The following NRG1 variants were observed in gnomAD, a reference collection of about 807,000 sequenced individuals.
The protein encoded by NRG1 is neuregulin 1, also known as pro-neuregulin-1, membrane-bound isoform.
In NRG1, 18 loss-of-function variants were observed where a neutral mutation model predicts 63.8. That is an observed-to-expected ratio of 0.28 (90% confidence interval 0.19 to 0.42). The LOEUF (loss-of-function observed/expected upper bound fraction) is 0.42. Ranked by LOEUF, NRG1 falls within the 10% of genes least tolerant of loss-of-function variation. The probability of loss-of-function intolerance (pLI) is 1.00; values close to 1 mark genes in which losing one functional copy is unlikely to be tolerated. For synonymous variants in NRG1, 302 were observed against 301.3 expected (o/e 1.00, Z -0.02); for missense variants, 762 against 814.7 (o/e 0.94, Z 0.79).
intron 1 of NRG1, among the ~76,000 whole-genome samples, chr8:31,894,637 G>T (rs1259484268): frequency 6.9e-6 from 1 of 145,824 alleles, no homozygotes; most frequent in Non-Finnish European, 1.5e-5. Flanking sequence ...TGCGAGCTCC[G>T]CCTCCCGGGT....
At chr8:32,680,961 T>C (rs1808461950) in intron 5 of NRG1, among the ~76,000 whole-genome samples, 1 of 151,164 alleles carries the variant, frequency 6.6e-6, no homozygotes, top group East Asian at 1.9e-4. Flanking sequence ...TCTAAGATGT[T>C]CTGTAACAAG....
At chr8:31,639,726 G>T (rs1803544549) in intron 1 of NRG1, 6 of 1,362,466 alleles carry the variant, frequency 4.4e-6, no homozygotes, top group Admixed American at 3.5e-5. Flanking sequence ...GGCGGCAGCG[G>T]TTTTTTTGCC....
At chr8:32,436,860 A>G (rs1382875369) in intron 1 of NRG1, among the ~76,000 whole-genome samples, 1 of 151,378 alleles carries the variant, frequency 6.6e-6, no homozygotes, top group Admixed American at 6.6e-5. Context: ...GTCACAGTGC[A>G]TAACTGGGTT....
chr8:32,293,812 C>T (rs1466005315), intron 1 of NRG1, among the ~76,000 whole-genome samples: 1 of 150,286 alleles, frequency 6.7e-6, no homozygotes, highest in Non-Finnish European at 1.5e-5. Context: ...ATCTGCTTCC[C>T]GGGTTCAAGC....
intron 1 of NRG1, among the ~76,000 whole-genome samples, chr8:32,245,752 C>T (rs1228743601): frequency 6.6e-6 from 1 of 152,162 alleles, no homozygotes; most frequent in Non-Finnish European, 1.5e-5. Context: ...TAATTCACTA[C>T]ATAGGGTTTC....
chr8:32,681,974 G>A (rs1440986262), intron 5 of NRG1, among the ~76,000 whole-genome samples: 2 of 152,138 alleles, frequency 1.3e-5, no homozygotes, highest in African/African-American at 4.8e-5. Context: ...TACCTATTCA[G>A]TGAGGACCTG....
intron 1 of NRG1, among the ~76,000 whole-genome samples, chr8:32,218,650 G>T (rs1845496505): frequency 6.6e-6 from 1 of 152,230 alleles, no homozygotes; most frequent in Non-Finnish European, 1.5e-5. Flanking sequence ...CTGAAATGCA[G>T]CATCCTCATC....
At position 31,893,453 on chromosome 8, in the gene NRG1, G is replaced by A. The variant is rs117951337; in HGVS notation, c.37+254022G>A. Among the ~76,000 whole-genome samples the A allele has an allele frequency of 3.8e-3, 581 of 151,370 alleles. 1 individual carries two copies. Among genetic ancestry groups the A allele is most frequent in the Middle Eastern group, 0.021 (5 of 238 alleles). On this transcript the variant is annotated intron_variant, in intron 1 of 10. Transcript: ENST00000519301. The stretch of plus-strand genomic sequence containing the variant: ...TGTAAAGAGAAACATTAGTATATTT[G>A]CTATATAAATGGTAAACGTTTTATA...
chr8:32,064,454 C>A (rs190909307), intron 1 of NRG1, among the ~76,000 whole-genome samples: 6 of 152,202 alleles, frequency 3.9e-5, no homozygotes, highest in African/African-American at 1.4e-4. Context: ...GATGACTTAG[C>A]AGATGACTCT....
intron 1 of NRG1, among the ~76,000 whole-genome samples, chr8:32,283,181 A>C (rs1853088357): frequency 6.6e-6 from 1 of 152,178 alleles, no homozygotes; most frequent in Non-Finnish European, 1.5e-5. Flanking sequence ...AATATAGTAA[A>C]ATATCATTTT....
intron 5 of NRG1, among the ~76,000 whole-genome samples, chr8:32,702,741 C>T (rs912641160): frequency 6.6e-6 from 1 of 152,134 alleles, no homozygotes; most frequent in Admixed American, 6.5e-5. Flanking sequence ...CTCGGCCTCC[C>T]AAAGTGCTGG....
intron 1 of NRG1, among the ~76,000 whole-genome samples, chr8:32,301,426 C>T (rs1451760591): frequency 6.6e-6 from 1 of 152,156 alleles, no homozygotes; most frequent in African/African-American, 2.4e-5. Context: ...ATCCAGTTGA[C>T]CCAGGGTATG....
At chr8:32,277,276 G>C (rs1389890106) in intron 1 of NRG1, among the ~76,000 whole-genome samples, 1 of 152,032 alleles carries the variant, frequency 6.6e-6, no homozygotes, top group African/African-American at 2.4e-5. Context: ...CATGATTTTG[G>C]TGTCCTTATA....
At chr8:32,293,476 G>T (rs1259629018) in intron 1 of NRG1, among the ~76,000 whole-genome samples, 1 of 152,096 alleles carries the variant, frequency 6.6e-6, no homozygotes, top group African/African-American at 2.4e-5. Flanking sequence ...CTGGCCCCCA[G>T]ATCTAAGAAT....
chr8:32,568,644 G>A (rs73234158), intron 1 of NRG1, among the ~76,000 whole-genome samples: 1 of 152,020 alleles, frequency 6.6e-6, no homozygotes. Context: ...GTCCGGGATA[G>A]GGCCCGGCAT....
intron 1 of NRG1, among the ~76,000 whole-genome samples, chr8:31,703,483 T>C (rs1810830302): frequency 1.3e-5 from 2 of 152,190 alleles, no homozygotes; most frequent in South Asian, 2.1e-4. Flanking sequence ...GTTTCAATTA[T>C]TCTGAAAGGA....
intron 1 of NRG1, among the ~76,000 whole-genome samples, chr8:32,451,875 G>C (rs4733336): frequency 0.75 from 114,255 of 152,036 alleles, 43,238 homozygotes; most frequent in East Asian, 0.89. Context: ...GCCCAGGCTA[G>C]AGTGCAGTGG....
chr8:31,914,331 T>C (rs1316364691), intron 1 of NRG1, among the ~76,000 whole-genome samples: 2 of 151,966 alleles, frequency 1.3e-5, no homozygotes, highest in African/African-American at 2.4e-5. Flanking sequence ...TTTTCTTTGT[T>C]AAAATCCTGT....
At chr8:31,993,832 T>G (rs1811478236) in intron 1 of NRG1, among the ~76,000 whole-genome samples, 1 of 152,062 alleles carries the variant, frequency 6.6e-6, no homozygotes. Context: ...ATTGCCTTAC[T>G]GTGATTCATC....
Sources: gnomAD v4.1 joint callset for allele counts (sites outside exome capture counted in the v4.1 genomes callset) on GRCh38, gnomAD v4.1.1 for gene constraint, MANE v1.5 for transcripts, NCBI Gene and HGNC (gene_info 2026-07-23, HGNC 2026-07-21) for gene names.